CCDC7: variants seen among roughly 807,000 people sequenced by gnomAD.
CCDC7 encodes the protein coiled-coil domain containing 7.
CCDC7 carries 183 observed loss-of-function variants against 196.9 expected under a neutral mutation model. The observed-to-expected ratio is 0.93, with a 90% CI of 0.82 to 1.05. The LOEUF (loss-of-function observed/expected upper bound fraction) is 1.05. Ranked by LOEUF, CCDC7 falls within the 50% of genes least tolerant of loss-of-function variation. The pLI, the probability that CCDC7 is intolerant of heterozygous loss-of-function variation, is 0.00. For synonymous variants in CCDC7, 525 were observed against 484.6 expected (o/e 1.08, Z -1.10); for missense variants, 1,540 against 1,482.2 (o/e 1.04, Z -0.64).
At chr10:32,620,358 G>A (rs894713491) in intron 18 of CCDC7, among the ~76,000 whole-genome samples, 13 of 152,116 alleles carry the variant, frequency 8.5e-5, no homozygotes, top group Admixed American at 7.2e-4. Flanking sequence ...TTTATAGCGT[G>A]ATAATATCAT....
chr10:32,468,512 T>C (rs756783143), intron 5 of CCDC7, among the ~76,000 whole-genome samples: 47 of 152,196 alleles, frequency 3.1e-4, no homozygotes, highest in Non-Finnish European at 5.1e-4. Context: ...AGATATAGGA[T>C]TATGTTGTCT....
At chr10:32,847,752 A>G in intron 37 of CCDC7, 81 bp from the exon 39 acceptor site, 2 of 879,218 alleles carry the variant, frequency 2.3e-6, no homozygotes, top group Non-Finnish European at 3.5e-6. Flanking sequence ...AAGAAATTTC[A>G]AAAGAAAAAA....
chr10:32,778,495 T>G (rs1428261113), intron 28 of CCDC7, among the ~76,000 whole-genome samples: 3 of 152,212 alleles, frequency 2.0e-5, no homozygotes, highest in Admixed American at 6.5e-5. Flanking sequence ...ATTGTAGGTA[T>G]GTGGCTTTAT....
intron 14 of CCDC7, among the ~76,000 whole-genome samples, 192 bp from the exon 16 acceptor site, chr10:32,567,478 A>G (rs1364977100): frequency 6.6e-6 from 1 of 152,158 alleles, no homozygotes; most frequent in East Asian, 1.9e-4. Flanking sequence ...AGGTTTCTTC[A>G]CAACTTCTGA....
intron 18 of CCDC7, among the ~76,000 whole-genome samples, chr10:32,611,903 G>A (rs537387962): frequency 2.0e-5 from 3 of 152,130 alleles, no homozygotes; most frequent in Non-Finnish European, 4.4e-5. Context: ...GGCTATACAG[G>A]CTCTTTCTTG....
upstream of CCDC7, among the ~76,000 whole-genome samples, chr10:32,450,865 T>C (rs1169452988): frequency 6.6e-6 from 1 of 152,186 alleles, no homozygotes; most frequent in South Asian, 2.1e-4. Context: ...GCTTCTTCAG[T>C]CCGTATATTC....
intron 8 of CCDC7, among the ~76,000 whole-genome samples, chr10:32,486,051 T>G (rs893144384): frequency 1.5e-4 from 23 of 152,176 alleles, no homozygotes; most frequent in African/African-American, 5.6e-4. Flanking sequence ...CTGGATATCC[T>G]TGTTAACTTT....
At chr10:32,560,327 C>G (rs544676576) in intron 13 of CCDC7, among the ~76,000 whole-genome samples, 2 of 152,196 alleles carry the variant, frequency 1.3e-5, no homozygotes, top group African/African-American at 4.8e-5. Context: ...GAGAACGCCA[C>G]AAAGATACTC....
intron 41 of CCDC7, among the ~76,000 whole-genome samples, chr10:32,871,130 G>A (rs2094413201): frequency 6.6e-6 from 1 of 152,120 alleles, no homozygotes; most frequent in African/African-American, 2.4e-5. Context: ...GAGTTACGGA[G>A]GATTCTCTCT....
rs550413277 is a variant in CCDC7, at chr10:32,553,502, T to C, written c.1134+9201T>C. Among the ~76,000 whole-genome samples the C allele has an allele frequency of 2.6e-5, 4 of 152,292 alleles. No individual in the cohort carries two copies. The South Asian group carries it at 6.2e-4, about 24-fold the overall frequency. ...AATGTTAAAGAGCCTTGTTTTGTCA[T>C]ATTTCCAGGGTTGGTTTTCTGGTTC... On this transcript the variant is annotated intron_variant, in intron 13 of 41. Coordinates refer to ENST00000639629, the Ensembl canonical transcript of CCDC7.
At chr10:32,764,147 T>A (rs1329677959) in intron 28 of CCDC7, among the ~76,000 whole-genome samples, 1 of 151,802 alleles carries the variant, frequency 6.6e-6, no homozygotes, top group Non-Finnish European at 1.5e-5. Context: ...GAAGAAACTA[T>A]AATTGCCTCC....
chr10:32,518,363 T>A lies in CCDC7; in HGVS notation c.904-53T>A. ...TTAATAATTAAATATCTGAATAACC[T>A]TTCTACATTGAGAGTTTTACTCTTC... is the stretch of plus-strand genomic sequence containing the variant. On this transcript the variant is annotated intron_variant, in intron 10 of 41. Coordinates refer to ENST00000639629, the Ensembl canonical transcript of CCDC7. 2.7e-6 allele frequency: 4 copies of A among 1,505,566 alleles called. No homozygotes were observed. In the South Asian group the frequency reaches 5.4e-5, roughly 20 times the overall value. The allele number at this position is 1,505,566 out of a possible 1,614,324, so 93.3% of individuals were successfully genotyped here.
At chr10:32,592,778 C>T (rs1214046191) in intron 18 of CCDC7, among the ~76,000 whole-genome samples, 1 of 152,130 alleles carries the variant, frequency 6.6e-6, no homozygotes, top group Non-Finnish European at 1.5e-5. Context: ...CAGTTCCCAC[C>T]TGTGAGTGAG....
At chr10:32,621,666 C>T (rs2063425285) in intron 18 of CCDC7, among the ~76,000 whole-genome samples, 1 of 152,156 alleles carries the variant, frequency 6.6e-6, no homozygotes, top group Non-Finnish European at 1.5e-5. Flanking sequence ...AGCTTAAGAT[C>T]TGGGAGGCCA....
chr10:32,793,563 AC>A (rs1313411774), intron 29 of CCDC7, among the ~76,000 whole-genome samples: 12 of 152,162 alleles, frequency 7.9e-5, no homozygotes, highest in Middle Eastern at 3.2e-3. Context: ...AGACAGAATA[AC>A]CTTTATTAGT....
At chr10:32,486,852 G>A (rs561362811) in intron 8 of CCDC7, among the ~76,000 whole-genome samples, 1 of 151,854 alleles carries the variant, frequency 6.6e-6, no homozygotes, top group African/African-American at 2.4e-5. Flanking sequence ...AGTTTCTGCC[G>A]AGAGATCAGC....
intron 24 of CCDC7, among the ~76,000 whole-genome samples, chr10:32,700,704 A>G (rs982138873): frequency 2.0e-5 from 3 of 152,164 alleles, no homozygotes; most frequent in Admixed American, 6.5e-5. Context: ...ATGGTCTTCC[A>G]TTTGTTTATG....
At chr10:32,733,171 A>G (rs1404475231) in intron 28 of CCDC7, among the ~76,000 whole-genome samples, 1 of 152,052 alleles carries the variant, frequency 6.6e-6, no homozygotes, top group East Asian at 1.9e-4. Context: ...ATAAAATATG[A>G]ATACCTTATG....
At chr10:32,673,467 A>G (rs75755417) in intron 21 of CCDC7, among the ~76,000 whole-genome samples, 4,277 of 152,132 alleles carry the variant, frequency 0.028, 219 homozygotes, top group African/African-American at 0.097. Context: ...TTCAGTGTAC[A>G]AGCCTTTTGC....
Sources: allele counts gnomAD v4.1 joint callset (sites outside exome capture counted in the v4.1 genomes callset), GRCh38; gene constraint gnomAD v4.1.1; transcripts MANE v1.5; gene names NCBI Gene and HGNC (gene_info 2026-07-23, HGNC 2026-07-21).